The following PTPRN2 variants were observed in gnomAD, a reference collection of about 807,000 sequenced individuals.
PTPRN2 encodes protein tyrosine phosphatase receptor type N2, also known as receptor-type tyrosine-protein phosphatase N2.
A neutral mutation model predicts 118.8 loss-of-function variants in PTPRN2; 74 were observed. The ratio of observed to expected loss-of-function variants is 0.62; its 90% CI spans 0.52 to 0.76. PTPRN2 has a LOEUF of 0.76. Ranked by LOEUF, PTPRN2 falls within the 30% of genes least tolerant of loss-of-function variation. The probability of loss-of-function intolerance (pLI) is 0.00; values close to 1 mark genes in which losing one functional copy is unlikely to be tolerated. For synonymous variants in PTPRN2, 641 were observed against 608.0 expected (o/e 1.05, Z -0.80); for missense variants, 1,481 against 1,394.4 (o/e 1.06, Z -0.99).
intron 14 of PTPRN2, among the ~76,000 whole-genome samples, chr7:157,642,534 G>T (rs1804735883): frequency 6.6e-6 from 1 of 152,126 alleles, no homozygotes; most frequent in Non-Finnish European, 1.5e-5. Context: ...GTTTCTCCAG[G>T]AAGTTTCCAT....
intron 2 of PTPRN2, among the ~76,000 whole-genome samples, chr7:158,372,317 C>T (rs112809456): frequency 2.6e-5 from 4 of 151,528 alleles, no homozygotes; most frequent in African/African-American, 9.7e-5. Context: ...AACGCTGGTC[C>T]CCGGAGCTGG....
intron 12 of PTPRN2, among the ~76,000 whole-genome samples, chr7:157,760,836 A>G (rs533065783): frequency 9.9e-5 from 15 of 152,214 alleles, no homozygotes; most frequent in Non-Finnish European, 2.1e-4. Flanking sequence ...TTCTAGATAT[A>G]CAATCATGTC....
At chr7:157,912,233 G>A (rs963867036) in intron 11 of PTPRN2, among the ~76,000 whole-genome samples, 2 of 152,206 alleles carry the variant, frequency 1.3e-5, no homozygotes, top group Non-Finnish European at 2.9e-5. Context: ...GATTTACGTT[G>A]TATCTCCTTG....
chr7:158,586,932 C>G (rs953790395), intron 1 of PTPRN2, among the ~76,000 whole-genome samples: 1 of 152,078 alleles, frequency 6.6e-6, no homozygotes, highest in African/African-American at 2.4e-5. Flanking sequence ...GCCCAGGAGC[C>G]GGGGTAGAGG....
chr7:157,940,822 TC>T (rs1800033921), intron 11 of PTPRN2, among the ~76,000 whole-genome samples: 1 of 62,392 alleles, frequency 1.6e-5, no homozygotes. Flanking sequence ...TCTAATGCCC[TC>T]CCCACAGTGA....
intron 2 of PTPRN2, among the ~76,000 whole-genome samples, chr7:158,334,652 A>AAGAGGTAAC (rs1805232957): frequency 1.1e-5 from 1 of 90,056 alleles, no homozygotes; most frequent in Non-Finnish European, 2.5e-5. Context: ...CTCTCACCAT[A>AAGAGGTAAC]ATTGGTGACA....
chr7:158,158,588 GTGCTTTCTGAATGAATGAGTGAACTC>G (rs1822062523), intron 6 of PTPRN2, among the ~76,000 whole-genome samples: 1 of 148,300 alleles, frequency 6.7e-6, no homozygotes, highest in Admixed American at 6.7e-5. Context: ...GACTTCGCAA[GTGCTTTCTGAATGAATGAGTGAACTC>G]GGGAGAATCA....
At chr7:158,410,799 C>T (rs1376657234) in intron 2 of PTPRN2, among the ~76,000 whole-genome samples, 3 of 143,476 alleles carry the variant, frequency 2.1e-5, no homozygotes, top group East Asian at 2.1e-4. Context: ...GGAGAAGACA[C>T]GGAGACACAG....
At chr7:158,424,595 C>T (rs1294837548) in intron 2 of PTPRN2, among the ~76,000 whole-genome samples, 1 of 152,254 alleles carries the variant, frequency 6.6e-6, no homozygotes, top group Non-Finnish European at 1.5e-5. Flanking sequence ...TGCCAGCACG[C>T]GTAATGCCCA....
intron 5 of PTPRN2, among the ~76,000 whole-genome samples, chr7:158,169,454 G>A (rs950611342): frequency 6.6e-6 from 1 of 150,618 alleles, no homozygotes; most frequent in Non-Finnish European, 1.5e-5. Flanking sequence ...GTGTGTGTGT[G>A]TGTTTTAGTA....
intron 2 of PTPRN2, among the ~76,000 whole-genome samples, chr7:158,343,620 C>T (rs1374914599): frequency 2.0e-5 from 3 of 148,654 alleles, no homozygotes; most frequent in Admixed American, 6.7e-5. Flanking sequence ...CATGGGCTGT[C>T]GCGACTGCTC....
intron 13 of PTPRN2, among the ~76,000 whole-genome samples, chr7:157,667,420 G>A (rs1049565182): frequency 2.0e-5 from 3 of 152,216 alleles, no homozygotes; most frequent in African/African-American, 7.2e-5. Context: ...GATCTTACAC[G>A]GGTGTGGGCA....
intron 5 of PTPRN2, among the ~76,000 whole-genome samples, chr7:158,176,186 A>G (rs756441544): frequency 6.6e-6 from 1 of 152,186 alleles, no homozygotes. Flanking sequence ...ACAGGGCATG[A>G]TTAAAGCAGC....
At chr7:158,277,061 G>C (rs909127974) in intron 3 of PTPRN2, among the ~76,000 whole-genome samples, 1 of 152,162 alleles carries the variant, frequency 6.6e-6, no homozygotes, top group Admixed American at 6.5e-5. Context: ...TGGCTGATCA[G>C]AGCTCCATGA....
At chr7:158,154,829 T>C (rs1194650788) in intron 6 of PTPRN2, among the ~76,000 whole-genome samples, 1 of 152,154 alleles carries the variant, frequency 6.6e-6, no homozygotes, top group African/African-American at 2.4e-5. Flanking sequence ...ATACTAGGGA[T>C]CCCCTCCCAT....
At chr7:157,731,327 T>C (rs1799887647) in intron 12 of PTPRN2, among the ~76,000 whole-genome samples, 1 of 152,212 alleles carries the variant, frequency 6.6e-6, no homozygotes, top group African/African-American at 2.4e-5. Flanking sequence ...GACAACTGCC[T>C]GCTCATAATG....
chr7:157,659,716 A>T lies in PTPRN2; in HGVS notation c.2002-3165T>A, dbSNP rs149607786. Among the ~76,000 whole-genome samples, 811 of 151,948 alleles carry T rather than the reference A, an allele frequency of 5.3e-3. 10 individuals carry two copies. The highest frequency in any genetic ancestry group is 0.018 in the African/African-American group (729 of 41,412). ...AAAGCAAAATAAACAAACAAAAAAA[A>T]CCCCACAAAGGATAATTCTTTATTT... On this transcript the variant is annotated intron_variant, in intron 13 of 22. Transcript: ENST00000389418.
chr7:158,398,316 C>T (rs1342839289), intron 2 of PTPRN2, among the ~76,000 whole-genome samples: 2 of 152,206 alleles, frequency 1.3e-5, no homozygotes, highest in African/African-American at 2.4e-5. Flanking sequence ...ACACTGAAAA[C>T]GGTCCCCTTT....
At chr7:158,538,731 C>G (rs893957536) in intron 1 of PTPRN2, among the ~76,000 whole-genome samples, 1 of 152,170 alleles carries the variant, frequency 6.6e-6, no homozygotes, top group African/African-American at 2.4e-5. Flanking sequence ...CAAAAGCAGG[C>G]GGCACCACGG....
Sources: allele counts gnomAD v4.1 joint callset (sites outside exome capture counted in the v4.1 genomes callset), GRCh38; gene constraint gnomAD v4.1.1; transcripts MANE v1.5; gene names NCBI Gene and HGNC (gene_info 2026-07-23, HGNC 2026-07-21).